TIAM1: variants seen among roughly 807,000 people sequenced by gnomAD.
TIAM1 encodes TIAM Rac1 associated GEF 1, also known as rho guanine nucleotide exchange factor TIAM1.
A neutral mutation model predicts 163.5 loss-of-function variants in TIAM1; 65 were observed. The observed-to-expected ratio is 0.40, with a 90% CI of 0.33 to 0.49. The LOEUF is 0.49. Among genes scored for constraint, TIAM1 ranks in the 20% least tolerant of loss-of-function variants. The pLI, the probability that TIAM1 is intolerant of heterozygous loss-of-function variation, is 0.77. For synonymous variants in TIAM1, 833 were observed against 810.1 expected, an observed-to-expected ratio of 1.03 and a Z score of -0.48; for missense variants, 1,789 against 2,044.7, an observed-to-expected ratio of 0.87 and a Z score of 2.41.
At chr21:31,229,256 T>C (rs1033730732) in intron 6 of TIAM1, among the ~76,000 whole-genome samples, 4 of 152,098 alleles carry the variant, frequency 2.6e-5, no homozygotes, top group Non-Finnish European at 4.4e-5. Flanking sequence ...GCTAGTTACA[T>C]GGTGCTGGGT....
At chr21:31,463,747 G>A (rs540814652) in intron 2 of TIAM1, among the ~76,000 whole-genome samples, 3 of 151,870 alleles carry the variant, frequency 2.0e-5, no homozygotes, top group South Asian at 4.2e-4. Context: ...AAACCCAGGA[G>A]GCGGAGGTTG....
intron 2 of TIAM1, among the ~76,000 whole-genome samples, chr21:31,447,278 T>A (rs900420017): frequency 6.6e-6 from 1 of 151,850 alleles, no homozygotes; most frequent in Non-Finnish European, 1.5e-5. Flanking sequence ...GGAAAAAAAT[T>A]TTTTTTTAAT....
intron 1 of TIAM1, among the ~76,000 whole-genome samples, chr21:31,526,955 G>C (rs2047807282): frequency 6.6e-6 from 1 of 152,048 alleles, no homozygotes; most frequent in African/African-American, 2.4e-5. Context: ...ACCTGCCTCA[G>C]CCTCCCAAAG....
chr21:31,505,408 A>T (rs2046991611), intron 1 of TIAM1, among the ~76,000 whole-genome samples: 1 of 152,244 alleles, frequency 6.6e-6, no homozygotes, highest in Non-Finnish European at 1.5e-5. Context: ...GAAACTGGAT[A>T]AACAAAGAGC....
intron 2 of TIAM1, among the ~76,000 whole-genome samples, chr21:31,294,921 C>T (rs1279889184): frequency 7.9e-5 from 12 of 152,316 alleles, no homozygotes; most frequent in South Asian, 2.1e-4. Context: ...TCTCTCACTC[C>T]GTCCCCACAC....
chr21:31,373,399 T>C (rs1055492425), intron 2 of TIAM1, among the ~76,000 whole-genome samples: 7 of 152,046 alleles, frequency 4.6e-5, no homozygotes, highest in Admixed American at 4.6e-4. Flanking sequence ...TCCACATGGC[T>C]GGGGAGGCCT....
intron 4 of TIAM1, among the ~76,000 whole-genome samples, chr21:31,253,403 C>G (rs1049608534): frequency 1.3e-5 from 2 of 152,204 alleles, no homozygotes; most frequent in African/African-American, 4.8e-5. Flanking sequence ...GGGCTCCTAT[C>G]TTTGCTGAGA....
chr21:31,250,168 A>G lies in TIAM1; in HGVS notation c.1411+1574T>C, dbSNP rs181764233. On this transcript the variant is annotated intron_variant, in intron 5 of 27. Transcript: ENST00000541036. ...CTCAAACAGAAAAAAAAAAAAAAAA[A>G]AAAGAAAAAGATAATGCTGTAGGAA... Among the ~76,000 whole-genome samples, 895 of 147,884 alleles carry G rather than the reference A, an allele frequency of 6.1e-3. 37 individuals are homozygous for G. In the East Asian group the frequency reaches 0.11, roughly 17 times the overall value.
At chr21:31,121,526 CCT>C (rs2082000237) in intron 27 of TIAM1, among the ~76,000 whole-genome samples, 1 of 152,098 alleles carries the variant, frequency 6.6e-6, no homozygotes, top group African/African-American at 2.4e-5. Context: ...CAGTTATTTC[CCT>C]GTCTTCTTTC....
chr21:31,232,492 C>T lies in TIAM1; in HGVS notation c.1585-6542G>A, dbSNP rs116218093. ...GGAGCTATGTGTCCACAAGAGGAGA[C>T]GAACTCTCCACTGACTGCTTTCAAA... On this transcript the variant is annotated intron_variant, in intron 6 of 27. Transcript: ENST00000541036. 2.1e-3 allele frequency among the ~76,000 whole-genome samples: 314 copies of T among 152,264 alleles called. 3 individuals carry two copies. The highest frequency in any genetic ancestry group is 6.7e-3 in the African/African-American group (277 of 41,530).
At chr21:31,181,814 G>A (rs796595662) in intron 15 of TIAM1, among the ~76,000 whole-genome samples, 1 of 91,188 alleles carries the variant, frequency 1.1e-5, no homozygotes, top group East Asian at 3.4e-4. Context: ...TTACGAGACA[G>A]GCCTCTGTCT....
At chr21:31,251,590 T>C (rs2071806227) in intron 5 of TIAM1, 152 bp downstream of exon 5, 2 of 792,518 alleles carry the variant, frequency 2.5e-6, no homozygotes, top group Admixed American at 6.1e-5. Flanking sequence ...TCATGCGAAG[T>C]GCTCTTACTA....
intron 8 of TIAM1, among the ~76,000 whole-genome samples, chr21:31,220,789 G>T (rs1012778792): frequency 6.6e-6 from 1 of 152,198 alleles, no homozygotes; most frequent in Non-Finnish European, 1.5e-5. Context: ...GAGCTCAAGA[G>T]TTTCCCAATG....
At chr21:31,301,486 T>C (rs1213506322) in intron 2 of TIAM1, among the ~76,000 whole-genome samples, 1 of 152,142 alleles carries the variant, frequency 6.6e-6, no homozygotes, top group East Asian at 1.9e-4. Flanking sequence ...AATAAATAGG[T>C]AGTTATCCAT....
At chr21:31,223,204 C>T (rs59815355) in intron 8 of TIAM1, among the ~76,000 whole-genome samples, 18,539 of 151,960 alleles carry the variant, frequency 0.12, 3,598 homozygotes, top group African/African-American at 0.41. Context: ...TAGCTTAGGC[C>T]CCCCCATCAA....
chr21:31,301,425 C>T (rs1185982489), intron 2 of TIAM1, among the ~76,000 whole-genome samples: 3 of 152,128 alleles, frequency 2.0e-5, no homozygotes, highest in African/African-American at 4.8e-5. Flanking sequence ...GATTCTACAG[C>T]ACAAAAGACC....
At position 31,213,467 on chromosome 21, in the gene TIAM1, A is replaced by G; in HGVS notation, c.2148T>C (p.Phe716=). 3 of 1,613,946 alleles carry G rather than the reference A, an allele frequency of 1.9e-6. No individual in the cohort carries two copies. The highest frequency in any genetic ancestry group is 2.5e-6 in the Non-Finnish European group (3 of 1,179,988). Residue 716 remains phenylalanine (F), a synonymous_variant, in exon 10 of 28, where the codon TTT becomes TTC. Coordinates refer to ENST00000541036, the MANE Select transcript of TIAM1 (RefSeq NM_001353694.2). ...KQGRPSINQV[F]GEGTEAVKKS... is the part of the protein sequence containing the mutation. ...TCTTTACAGCTTCGGTTCCCTCTCCAAACACCTGCATATACAAAAGTACCA... is the reference window on the plus strand; with the variant it reads ...TCTTTACAGCTTCGGTTCCCTCTCCGAACACCTGCATATACAAAAGTACCA...
At position 31,471,459 on chromosome 21, in the gene TIAM1, A is replaced by G. The variant is rs566333020; in HGVS notation, c.-421-7424T>C. On this transcript the variant is annotated intron_variant, in intron 1 of 28. Coordinates refer to the TIAM1 transcript ENST00000286827. Reference sequence around the variant, plus strand: ...CCTTCAGATGTGTGTTGGGATTAGTATCAGAGCTCTTCTCTGTTTTCTTCC... The same window carrying G: ...CCTTCAGATGTGTGTTGGGATTAGTGTCAGAGCTCTTCTCTGTTTTCTTCC... Among the ~76,000 whole-genome samples the G allele has an allele frequency of 2.1e-5, 3 of 142,644 alleles. No homozygotes were observed. In the South Asian group the frequency reaches 6.5e-4, roughly 31 times the overall value. The allele number at this position is 142,644 out of a possible 152,430, so 93.6% of individuals were successfully genotyped here.
At position 31,141,103 on chromosome 21, in the gene TIAM1, G is replaced by A; in HGVS notation, c.3774+15C>T. On this transcript the variant is annotated intron_variant, in intron 22 of 27. Coordinates refer to ENST00000541036, the MANE Select transcript of TIAM1 (RefSeq NM_001353694.2). The surrounding 1 kb of genome is among the most constrained non-coding windows in gnomAD (Gnocchi z 4.7). ...GCTTTCCTGACAGATGTCCTGAGAA[G>A]ATGGGGACCCTCACCTCTTTTTTCT... 1 of 1,598,608 alleles carries A rather than the reference G, an allele frequency of 6.3e-7. No homozygotes were observed. The highest frequency in any genetic ancestry group is 8.6e-7 in the Non-Finnish European group (1 of 1,169,518).
Sources: gnomAD v4.1 joint callset for allele counts (sites outside exome capture counted in the v4.1 genomes callset) on GRCh38, gnomAD v4.1.1 for gene constraint, Gnocchi (gnomAD v3.1) non-coding constraint, MANE v1.5 for transcripts, NCBI Gene and HGNC (gene_info 2026-07-23, HGNC 2026-07-21) for gene names.